Variants in SCN7A observed in about 807,000 individuals in gnomAD.
The protein encoded by SCN7A is sodium channel protein type 7 subunit alpha.
Under a neutral mutation model 155.2 loss-of-function variants are expected in SCN7A, and 138 were observed. That is an observed-to-expected ratio of 0.89 (90% CI 0.77 to 1.02). SCN7A has a LOEUF of 1.02. SCN7A is among the 50% of genes least tolerant of loss of function. SCN7A has a pLI of 0.00. For missense variants in SCN7A, 2,058 were observed against 1,986.6 expected (o/e 1.04, Z -0.68); for synonymous variants, 693 against 649.0 (o/e 1.07, Z -1.03).
chr2:166,470,640 A>T lies in SCN7A; in HGVS notation c.639T>A (p.Ile213=). The change falls in exon 7 of 26, where the codon ATT becomes ATA. Residue 213 remains isoleucine (I), a synonymous_variant. Transcript: ENST00000643258. ...CTTGATTTAAAGGAATAATTTTTAAAATTCTCAAAGTTCTTGCAGTTTGAA... is the reference window on the plus strand; with the variant it reads ...CTTGATTTAAAGGAATAATTTTTAATATTCTCAAAGTTCTTGCAGTTTGAA... ...PTLQTARTLR[I]LKIIPLNQGL... 6.2e-7 allele frequency: 1 copy of T among 1,607,958 alleles called. No homozygotes were observed. The highest frequency in any genetic ancestry group is 8.5e-7 in the Non-Finnish European group (1 of 1,176,372).
In SCN7A at chr2:166,403,848, GT is replaced by G. The variant is rs1261032340; in HGVS notation, c.*1731del. 6.6e-6 allele frequency: 1 copy of G among 151,862 alleles called. No homozygotes were observed. The highest frequency in any genetic ancestry group is 2.4e-5 in the African/African-American group (1 of 41,470). 9.4% of individuals were successfully genotyped at this position (151,862 alleles called of 1,614,324 possible). A position where few individuals can be genotyped will look rare whatever the true frequency, so the allele number is the denominator to read the frequency against. On this transcript the variant is annotated 3_prime_UTR_variant, in exon 26 of 26. Transcript: ENST00000643258. ...ACGGAGCTTAGATAAAGCACCAGCT[GT>G]CACATTGTCACCAAGTTAACACTGG... is the stretch of plus-strand genomic sequence containing the variant.
intron 7 of SCN7A, among the ~76,000 whole-genome samples, chr2:166,469,757 T>C (rs752703179): frequency 1.3e-5 from 2 of 151,926 alleles, no homozygotes; most frequent in Non-Finnish European, 2.9e-5. Context: ...TAACTCTCAC[T>C]GATTCCTTCA....
chr2:166,448,653 T>G (rs1702116191), intron 11 of SCN7A, among the ~76,000 whole-genome samples: 1 of 152,208 alleles, frequency 6.6e-6, no homozygotes, highest in Non-Finnish European at 1.5e-5. Flanking sequence ...TTCTTAAAAT[T>G]AAATAAAATT....
chr2:166,415,223 CT>C (rs573283624), intron 21 of SCN7A, among the ~76,000 whole-genome samples: 12,154 of 135,744 alleles, frequency 0.09, 546 homozygotes, highest in Middle Eastern at 0.14. Flanking sequence ...ACTTTTGTCT[CT>C]TTTTTTTTTT....
intron 11 of SCN7A, among the ~76,000 whole-genome samples, chr2:166,456,653 A>G (rs1396339920): frequency 6.6e-6 from 1 of 152,038 alleles, no homozygotes; most frequent in Non-Finnish European, 1.5e-5. Context: ...AAATGTTGAC[A>G]CAAGCAGAGC....
At chr2:166,456,827 TATAG>T (rs768632050) in intron 11 of SCN7A, 39 bp downstream of exon 11, 12,533 of 634,124 alleles carry the variant, frequency 0.02, 291 homozygotes, top group Non-Finnish European at 0.022. Context: ...TATATATATA[TATAG>T]ATAGATAGAT....
chr2:166,441,107 G>A, intron 15 of SCN7A: 1 of 420,870 alleles, frequency 2.4e-6, no homozygotes, highest in Non-Finnish European at 4.2e-6. Flanking sequence ...AGCATAAGGA[G>A]GACCTACTAT....
At chr2:166,433,798 A>G (rs1248254733) in intron 15 of SCN7A, among the ~76,000 whole-genome samples, 1 of 152,174 alleles carries the variant, frequency 6.6e-6, no homozygotes, top group East Asian at 1.9e-4. Flanking sequence ...GAAAACACAG[A>G]TGCTAGGAAG....
At chr2:166,410,792 C>T (rs2105364389) in intron 23 of SCN7A, among the ~76,000 whole-genome samples, 1 of 151,754 alleles carries the variant, frequency 6.6e-6, no homozygotes, top group Non-Finnish European at 1.5e-5. Context: ...GTTTTTTTTA[C>T]TATTATTCCA....
At chr2:166,467,954 A>C (rs956326879) in intron 7 of SCN7A, among the ~76,000 whole-genome samples, 1 of 151,754 alleles carries the variant, frequency 6.6e-6, no homozygotes, top group African/African-American at 2.4e-5. Flanking sequence ...TTTGTCAATA[A>C]ATTTACTGTG....
At chr2:166,417,928 C>A (rs955352820) in intron 20 of SCN7A, among the ~76,000 whole-genome samples, 1 of 151,464 alleles carries the variant, frequency 6.6e-6, no homozygotes, top group Non-Finnish European at 1.5e-5. Context: ...ACTTGAATAC[C>A]AGCAATAATC....
chr2:166,474,223 T>A lies in SCN7A; in HGVS notation c.353+3A>T. ...AAGTCAACAAGTCAACAGAAAAGGA[T>A]ATGGATGTACCAAAACCTTGATAGT... On this transcript the variant is annotated splice_donor_region_variant and intron_variant, in intron 4 of 25. Transcript: ENST00000643258. 1 of 1,386,006 alleles carries A rather than the reference T, an allele frequency of 7.2e-7. No individual in the cohort carries two copies. Among genetic ancestry groups the A allele is most frequent in the Non-Finnish European group, 9.8e-7 (1 of 1,017,112 alleles). 85.9% of individuals were successfully genotyped at this position (1,386,006 alleles called of 1,614,324 possible).
intron 13 of SCN7A, 34 bp from the exon 14 acceptor site, chr2:166,443,710 G>A: frequency 3.5e-6 from 5 of 1,425,796 alleles, no homozygotes; most frequent in Non-Finnish European, 4.7e-6. Context: ...GTGAGAATAT[G>A]ATTCCAATAG....
chr2:166,413,021 A>T, intron 22 of SCN7A, 47 bp downstream of exon 22: 1 of 1,335,412 alleles, frequency 7.5e-7, no homozygotes, highest in Non-Finnish European at 1.0e-6. Context: ...TGCAAAAATG[A>T]CTTTGCTTGT....
chr2:166,454,148 T>C (rs921605341), intron 11 of SCN7A, among the ~76,000 whole-genome samples: 2 of 152,162 alleles, frequency 1.3e-5, no homozygotes, highest in Admixed American at 6.5e-5. Context: ...TTGGATACAA[T>C]TGAGTGCAGC....
Position 166,465,757 on chromosome 2 carries a change from T to C in SCN7A, c.871+24A>G. 4.4e-6 allele frequency: 7 copies of C among 1,608,810 alleles called. No individual in the cohort carries two copies. In the South Asian group the frequency reaches 4.4e-5, roughly 10 times the overall value. On this transcript the variant is annotated intron_variant, in intron 8 of 25. Coordinates refer to ENST00000643258, the MANE Select transcript of SCN7A (RefSeq NM_002976.4). ...CTTTAACGAAAGTTTCAATTTTTGA[T>C]ATACATGGCAAGGTGATTCTTACCT...
chr2:166,409,955 G>A lies in SCN7A; in HGVS notation c.3712-20C>T, dbSNP rs377377300. The stretch of plus-strand genomic sequence containing the variant: ...CTTGTTCTGTGGGTAAAATCAACAG[G>A]TGTAATAGTCTTATTAATAGGATAC... On this transcript the variant is annotated intron_variant, in intron 24 of 25. Coordinates refer to ENST00000643258, the MANE Select transcript of SCN7A (RefSeq NM_002976.4). 5.9e-6 allele frequency: 9 copies of A among 1,532,194 alleles called. No individual in the cohort carries two copies. The highest frequency in any genetic ancestry group is 2.5e-5 in the South Asian group (2 of 79,852). 94.9% of individuals were successfully genotyped at this position (1,532,194 alleles called of 1,614,324 possible). A position where few individuals can be genotyped will look rare whatever the true frequency, so the allele number is the denominator to read the frequency against.
At position 166,468,018 on chromosome 2, in the gene SCN7A, C is replaced by A. The variant is rs531840440; in HGVS notation, c.665-2031G>T. Among the ~76,000 whole-genome samples the A allele has an allele frequency of 2.6e-5, 4 of 151,786 alleles. No individual in the cohort carries two copies. In the South Asian group the frequency reaches 8.3e-4, roughly 32 times the overall value. On this transcript the variant is annotated intron_variant, in intron 7 of 25. Transcript: ENST00000643258. ...AAATACATGTTTTGAGAACTTATAT[C>A]CAATTTAAGTTCCTATTTTGAAATA...
Position 166,421,237 on chromosome 2 carries a change from T to G in SCN7A, c.3088A>C (p.Lys1030Gln). 1 of 1,535,690 alleles carries G rather than the reference T, an allele frequency of 6.5e-7. No homozygotes were observed. Among genetic ancestry groups the G allele is most frequent in the Non-Finnish European group, 8.8e-7 (1 of 1,141,538 alleles). ...REELKPLISM[K>Q]FLRPLRVLSQ... ...AGAACTCTGAGGGGCCGAAGGAATT[T>G]CATGGAAATAAGAGGTTTTAGTTCT... The change falls in exon 20 of 26, where the codon AAA becomes CAA. Residue 1030 changes from lysine (K) to glutamine (Q), a missense_variant. Transcript: ENST00000643258.
Sources: gnomAD v4.1 joint callset for allele counts (sites outside exome capture counted in the v4.1 genomes callset) on GRCh38, gnomAD v4.1.1 for gene constraint, MANE v1.5 for transcripts, NCBI Gene and HGNC (gene_info 2026-07-23, HGNC 2026-07-21) for gene names.